WDR72: variants seen among roughly 807,000 people sequenced by gnomAD.
WDR72 encodes WD repeat-containing protein 72.
Under a neutral mutation model 124.2 loss-of-function variants are expected in WDR72, and 120 were observed. The ratio of observed to expected loss-of-function variants is 0.97; its 90% CI spans 0.83 to 1.12. WDR72 has a LOEUF of 1.12. WDR72 is among the 50% of genes most tolerant of loss of function. WDR72 has a pLI of 0.00. For missense variants in WDR72, 1,387 were observed against 1,278.8 expected (o/e 1.08, Z -1.29); for synonymous variants, 452 against 441.7 (o/e 1.02, Z -0.29).
intron 18 of WDR72, among the ~76,000 whole-genome samples, chr15:53,563,876 A>G (rs1448407170): frequency 2.0e-5 from 3 of 151,798 alleles, no homozygotes; most frequent in Admixed American, 6.6e-5. Context: ...CATACAGTGC[A>G]TCAGCAATCT....
chr15:53,534,020 T>C (rs1892620737), intron 18 of WDR72, among the ~76,000 whole-genome samples: 1 of 152,198 alleles, frequency 6.6e-6, no homozygotes, highest in South Asian at 2.1e-4. Flanking sequence ...ATTTTGAGAC[T>C]TTGAGGCTGA....
At position 53,673,994 on chromosome 15, in the gene WDR72, GA is replaced by G. The variant is rs531549813; in HGVS notation, c.1766-8227del. Among the ~76,000 whole-genome samples the G allele has an allele frequency of 1.5e-4, 22 of 145,190 alleles. No homozygotes were observed. In the South Asian group the frequency reaches 3.3e-3, roughly 22 times the overall value. ...CAACAAGAGTGAAACTCCATCTCAA[GA>G]AAAAAAAAAGCATATATATTCATCA... is the stretch of plus-strand genomic sequence containing the variant. On this transcript the variant is annotated intron_variant, in intron 13 of 19. Transcript: ENST00000360509.
At chr15:53,717,363 T>G (rs535422569) in intron 3 of WDR72, among the ~76,000 whole-genome samples, 1 of 152,150 alleles carries the variant, frequency 6.6e-6, no homozygotes, top group African/African-American at 2.4e-5. Context: ...TCTTCAGTCT[T>G]GAGAGTTTTA....
chr15:53,630,053 T>C (rs2014363498), intron 14 of WDR72, among the ~76,000 whole-genome samples: 1 of 149,910 alleles, frequency 6.7e-6, no homozygotes, highest in Non-Finnish European at 1.5e-5. Flanking sequence ...CTTACAAAAG[T>C]TTTTAAAAAG....
At chr15:53,604,539 C>G (rs2013191417) in intron 17 of WDR72, among the ~76,000 whole-genome samples, 1 of 152,098 alleles carries the variant, frequency 6.6e-6, no homozygotes, top group Non-Finnish European at 1.5e-5. Flanking sequence ...ATAGAGCAAA[C>G]AGGCAACCTG....
intron 13 of WDR72, among the ~76,000 whole-genome samples, chr15:53,676,535 C>T (rs984704102): frequency 2.0e-5 from 3 of 152,180 alleles, no homozygotes; most frequent in Admixed American, 1.3e-4. Context: ...AGGGAGTGGC[C>T]TTTAGGAGCT....
chr15:53,696,860 G>T (rs1221931370), intron 13 of WDR72, among the ~76,000 whole-genome samples: 1 of 152,246 alleles, frequency 6.6e-6, no homozygotes, highest in East Asian at 1.9e-4. Flanking sequence ...CAAAAGGAAT[G>T]AATGTGATAT....
chr15:53,621,433 AT>A (rs2013987622), intron 14 of WDR72, among the ~76,000 whole-genome samples: 1 of 128,884 alleles, frequency 7.8e-6, no homozygotes, highest in African/African-American at 3.1e-5. Flanking sequence ...AAACTGTGAT[AT>A]ATATATATAT....
chr15:53,720,216 C>T (rs2017837937), intron 3 of WDR72, among the ~76,000 whole-genome samples: 1 of 151,986 alleles, frequency 6.6e-6, no homozygotes, highest in Non-Finnish European at 1.5e-5. Context: ...CTAAACAATA[C>T]TTGAAACGTA....
chr15:53,545,132 C>CTT (rs1566953190), intron 18 of WDR72, among the ~76,000 whole-genome samples: 1 of 146,622 alleles, frequency 6.8e-6, no homozygotes, highest in Non-Finnish European at 1.5e-5. Context: ...AAGCTACCAA[C>CTT]GACTTTCTTC....
chr15:53,665,476 C>G, intron 14 of WDR72, 96 bp downstream of exon 14: 1 of 1,385,734 alleles, frequency 7.2e-7, no homozygotes, highest in Non-Finnish European at 1.0e-6. Flanking sequence ...TTCTTGTTTT[C>G]ATGCTGATAC....
intron 13 of WDR72, among the ~76,000 whole-genome samples, chr15:53,678,583 C>T (rs1448561412): frequency 1.3e-5 from 2 of 152,214 alleles, no homozygotes; most frequent in Non-Finnish European, 2.9e-5. Context: ...TATACTTTAT[C>T]TCTACTATAG....
At chr15:53,738,796 G>A (rs1595883563) in intron 1 of WDR72, among the ~76,000 whole-genome samples, 1 of 152,160 alleles carries the variant, frequency 6.6e-6, no homozygotes, top group African/African-American at 2.4e-5. Flanking sequence ...TAGTAGTGAT[G>A]GCATTTCACC....
Position 53,523,336 on chromosome 15 carries a change from G to GAGAT in WDR72, c.3149-15_3149-14insATCT, listed in dbSNP as rs1891910805. ...GGCTGACTGGAGCTATTAAAAGAGA[G>GAGAT]AGAGAGAGAGAGAGAGACAGAAGAG... On this transcript the variant is annotated splice_polypyrimidine_tract_variant and intron_variant, in intron 18 of 19. Transcript: ENST00000360509. The GAGAT allele has an allele frequency of 1.9e-6, 3 of 1,597,708 alleles. No homozygotes were observed. Among genetic ancestry groups the GAGAT allele is most frequent in the Non-Finnish European group, 2.6e-6 (3 of 1,170,130 alleles).
chr15:53,543,537 A>G (rs903668813), intron 18 of WDR72, among the ~76,000 whole-genome samples: 1 of 150,906 alleles, frequency 6.6e-6, no homozygotes, highest in African/African-American at 2.4e-5. Context: ...CCACAAGAGA[A>G]AGCAGGAAAG....
chr15:53,725,657 C>T (rs976633761), intron 2 of WDR72, among the ~76,000 whole-genome samples: 14 of 152,022 alleles, frequency 9.2e-5, no homozygotes, highest in Admixed American at 1.3e-4. Flanking sequence ...TGAAAAGACA[C>T]GGAAAAACCA....
Position 53,584,250 on chromosome 15 carries a change from G to A in WDR72, c.3148+12829C>T, listed in dbSNP as rs566001670. Among the ~76,000 whole-genome samples, 28 of 152,106 alleles carry A rather than the reference G, an allele frequency of 1.8e-4. No individual in the cohort carries two copies. In the South Asian group the frequency reaches 5.4e-3, roughly 29 times the overall value. Reference sequence around the variant, plus strand: ...ACTGATTCAAAGAGGATGGGTGATTGAGATAATGACCAACCATAAAGAAAG... The same window carrying A: ...ACTGATTCAAAGAGGATGGGTGATTAAGATAATGACCAACCATAAAGAAAG... On this transcript the variant is annotated intron_variant, in intron 18 of 19. Transcript: ENST00000360509.
chr15:53,640,928 G>C (rs2014823673), intron 14 of WDR72, among the ~76,000 whole-genome samples: 1 of 151,456 alleles, frequency 6.6e-6, no homozygotes, highest in South Asian at 2.1e-4. Context: ...TTTTTTTCAA[G>C]TCTGTTATAA....
intron 1 of WDR72, among the ~76,000 whole-genome samples, chr15:53,756,104 C>A (rs1462554512): frequency 6.6e-6 from 1 of 152,116 alleles, no homozygotes; most frequent in African/African-American, 2.4e-5. Flanking sequence ...TGGCTTCATC[C>A]CCACCCAAAT....
Sources: allele counts gnomAD v4.1 joint callset (sites outside exome capture counted in the v4.1 genomes callset), GRCh38; gene constraint gnomAD v4.1.1; transcripts MANE v1.5; gene names NCBI Gene and HGNC (gene_info 2026-07-23, HGNC 2026-07-21).